The following ETFDH variants were observed in gnomAD, a reference collection of about 807,000 sequenced individuals.
ETFDH encodes electron transfer flavoprotein-ubiquinone oxidoreductase, mitochondrial.
ETFDH carries 61 observed loss-of-function variants against 73.2 expected under a neutral mutation model. The observed-to-expected ratio is 0.83, with a 90% CI of 0.68 to 1.03. ETFDH has a LOEUF of 1.03. Ranked by LOEUF, ETFDH falls within the 50% of genes least tolerant of loss-of-function variation. The probability of loss-of-function intolerance (pLI) is 0.00; values close to 1 mark genes in which losing one functional copy is unlikely to be tolerated. For synonymous variants in ETFDH, 243 were observed against 253.3 expected (o/e 0.96, Z 0.39); for missense variants, 685 against 745.0 (o/e 0.92, Z 0.94).
At chr4:158,691,987 C>T (rs773432520) in intron 6 of ETFDH, among the ~76,000 whole-genome samples, 11 of 152,200 alleles carry the variant, frequency 7.2e-5, no homozygotes, top group Admixed American at 2.0e-4. Context: ...TATTAGGTAT[C>T]AGTAAATATG....
intron 1 of ETFDH, among the ~76,000 whole-genome samples, chr4:158,678,995 A>G (rs571446029): frequency 5.7e-4 from 87 of 152,168 alleles, no homozygotes; most frequent in African/African-American, 2.0e-3. Flanking sequence ...AAAATCTTCG[A>G]TCAAATATAA....
intron 6 of ETFDH, among the ~76,000 whole-genome samples, chr4:158,690,689 A>G (rs72693394): frequency 6.6e-6 from 1 of 151,526 alleles, no homozygotes; most frequent in African/African-American, 2.4e-5. Context: ...TCTTAAAAAA[A>G]AAGAAGAAGA....
rs566844923 is a variant in ETFDH, at chr4:158,706,720, A to G, written c.1560A>G (p.Ser520=). The part of the protein sequence containing the change: ...PDGQISFDLL[S]SVALSGTNHE... ...GACAGATCAGTTTTGACCTCTTGTCATCTGTGGCTCTGAGTGGTACTAATC... is the reference window on the plus strand; with the variant it reads ...GACAGATCAGTTTTGACCTCTTGTCGTCTGTGGCTCTGAGTGGTACTAATC... Residue 520 remains serine (S), a synonymous_variant, in exon 12 of 13, where the codon TCA becomes TCG. Transcript: ENST00000511912. 6.2e-7 allele frequency: 1 copy of G among 1,614,034 alleles called. No individual in the cohort carries two copies. Among genetic ancestry groups the G allele is most frequent in the Non-Finnish European group, 8.5e-7 (1 of 1,179,920 alleles).
At position 158,703,589 on chromosome 4, in the gene ETFDH, T is replaced by C. The variant is rs774066578; in HGVS notation, c.1283T>C (p.Ile428Thr). 2.5e-6 allele frequency: 4 copies of C among 1,581,862 alleles called. No homozygotes were observed. Among genetic ancestry groups the C allele is most frequent in the East Asian group, 4.5e-5 (2 of 44,642 alleles). ...LTSENLQSKT[I>T]GLHVTEYEDN... ...AGTGAAAATCTCCAATCAAAGACAA[T>C]AGGTAAGAAATTCCTGTGTAAAGTA... Residue 428 changes from isoleucine to threonine, a missense_variant and splice_region_variant, in exon 10 of 13, where the codon ATA becomes ACA. By Grantham distance (89) the Ile-to-Thr change is moderately conservative. Coordinates refer to ENST00000511912, the MANE Select transcript of ETFDH (RefSeq NM_004453.4).
In ETFDH at chr4:158,675,516, C is replaced by T. The variant is rs541561395; in HGVS notation, c.34+3026C>T. Among the ~76,000 whole-genome samples the T allele has an allele frequency of 3.9e-5, 6 of 152,180 alleles. No individual in the cohort carries two copies. In the East Asian group the frequency reaches 1.2e-3, roughly 29 times the overall value. On this transcript the variant is annotated intron_variant, in intron 1 of 12. Transcript: ENST00000511912. The stretch of plus-strand genomic sequence containing the variant: ...GTGTGGTGGCTTACACCTGGAATCC[C>T]AGCGTTTTGGGAGGCTGAGACGGGC...
At chr4:158,696,939 T>A (rs1774322551) in intron 7 of ETFDH, among the ~76,000 whole-genome samples, 1 of 152,216 alleles carries the variant, frequency 6.6e-6, no homozygotes, top group Non-Finnish European at 1.5e-5. Context: ...CCTAATTTCC[T>A]ATAATTGTAT....
chr4:158,686,608 G>A (rs981113942), intron 5 of ETFDH, among the ~76,000 whole-genome samples: 1 of 152,196 alleles, frequency 6.6e-6, no homozygotes, highest in Non-Finnish European at 1.5e-5. Flanking sequence ...CAAGGGGAAA[G>A]GGAGAAGTAA....
intron 9 of ETFDH, among the ~76,000 whole-genome samples, chr4:158,701,310 A>G (rs1386244323): frequency 1.1e-4 from 17 of 152,188 alleles, no homozygotes; most frequent in Admixed American, 1.1e-3. Flanking sequence ...TGAGAAAAGC[A>G]TTGTCATCAT....
At chr4:158,698,586 A>G (rs955833221) in intron 8 of ETFDH, among the ~76,000 whole-genome samples, 1 of 152,182 alleles carries the variant, frequency 6.6e-6, no homozygotes, top group Non-Finnish European at 1.5e-5. Flanking sequence ...ATAATAAATC[A>G]TTACAGCTCC....
At chr4:158,707,829 T>C (rs1316100698) in intron 12 of ETFDH, among the ~76,000 whole-genome samples, 2 of 152,238 alleles carry the variant, frequency 1.3e-5, no homozygotes, top group Non-Finnish European at 1.5e-5. Context: ...CTAAGGTCTA[T>C]GGTAAGACTG....
intron 1 of ETFDH, among the ~76,000 whole-genome samples, chr4:158,677,078 AT>A (rs1328799521): frequency 1.3e-5 from 2 of 152,166 alleles, no homozygotes; most frequent in African/African-American, 4.8e-5. Context: ...GTTTAACTGT[AT>A]TTTTTGTCGT....
chr4:158,683,306 C>T (rs1318104348), intron 3 of ETFDH, among the ~76,000 whole-genome samples: 1 of 152,102 alleles, frequency 6.6e-6, no homozygotes, highest in Admixed American at 6.5e-5. Context: ...GTCCTACCTC[C>T]TAGATTAGAT....
intron 5 of ETFDH, among the ~76,000 whole-genome samples, chr4:158,687,884 C>T (rs986455237): frequency 6.7e-5 from 10 of 148,830 alleles, no homozygotes; most frequent in African/African-American, 2.0e-4. Context: ...ACTAAAAATA[C>T]GAAAAATTAG....
rs1184758675 is a variant in ETFDH at position 158,709,218 on chromosome 4, C to T, written c.*691C>T. 4 of 153,106 alleles carry T rather than the reference C, an allele frequency of 2.6e-5. No homozygotes were observed. The highest frequency in any genetic ancestry group is 4.8e-5 in the African/African-American group (2 of 41,410). The allele number at this position is 153,106 out of a possible 1,614,324, so 9.5% of individuals were successfully genotyped here. ...ACCATTATTTTTTATGAATAATGCA[C>T]ATAACCATTTTAAAAAACATTTTAC... On this transcript the variant is annotated 3_prime_UTR_variant, in exon 13 of 13. Transcript: ENST00000511912.
At chr4:158,694,782 T>A (rs1028389065) in intron 6 of ETFDH, among the ~76,000 whole-genome samples, 1 of 151,976 alleles carries the variant, frequency 6.6e-6, no homozygotes, top group African/African-American at 2.4e-5. Flanking sequence ...ATATCAATTT[T>A]AAAAAAATAG....
chr4:158,706,806 A>G lies in ETFDH; in HGVS notation c.1646A>G (p.Asn549Ser). 1.2e-6 allele frequency: 2 copies of G among 1,613,822 alleles called. No individual in the cohort carries two copies. The highest frequency in any genetic ancestry group is 1.7e-6 in the Non-Finnish European group (2 of 1,179,722). Residue 549 changes from asparagine to serine, a missense_variant, in exon 12 of 13, where the codon AAT (asparagine) becomes AGT (serine). Asn to Ser is a conservative substitution (Grantham distance 46, BLOSUM62 1). Coordinates refer to ENST00000511912, the MANE Select transcript of ETFDH (RefSeq NM_004453.4). ...LRDDSIPVNR[N>S]LSIYDGPEQR... ...GATGACAGTATACCTGTAAATAGAA[A>G]TCTGTCGATATATGATGGGCCCGAG...
chr4:158,685,237 T>G lies in ETFDH; in HGVS notation c.606+18T>G, dbSNP rs1024883815. 1.3e-5 allele frequency: 18 copies of G among 1,351,112 alleles called. No individual in the cohort carries two copies. The highest frequency in any genetic ancestry group is 1.9e-5 in the Non-Finnish European group (18 of 940,664). The allele number at this position is 1,351,112 out of a possible 1,614,324, so 83.7% of individuals were successfully genotyped here. ...CTGCTGAGGTTTGTATAGTTTTGTT[T>G]TGTTTTAATATTTATAGGAACTCTC... On this transcript the variant is annotated intron_variant, in intron 5 of 12. Transcript: ENST00000511912.
rs910620271 is a variant in ETFDH at position 158,697,314 on chromosome 4, C to T, written c.832-245C>T. 2.8e-4 allele frequency among the ~76,000 whole-genome samples: 42 copies of T among 152,036 alleles called. 1 individual carries two copies. The highest frequency in any genetic ancestry group is 1.7e-3 in the Admixed American group (26 of 15,258). ...TTTACCATGTTGGCCAGGATGGTCT[C>T]GAACTCCTGACCTCAAGTGATCTGC... On this transcript the variant is annotated intron_variant, in intron 7 of 12. Coordinates refer to ENST00000511912, the MANE Select transcript of ETFDH (RefSeq NM_004453.4).
At chr4:158,687,160 A>G (rs1413717429) in intron 5 of ETFDH, among the ~76,000 whole-genome samples, 2 of 152,218 alleles carry the variant, frequency 1.3e-5, no homozygotes, top group South Asian at 2.1e-4. Context: ...GACAGACTTC[A>G]GTCATTCTTC....
Sources: gnomAD v4.1 joint callset for allele counts (sites outside exome capture counted in the v4.1 genomes callset) on GRCh38, gnomAD v4.1.1 for gene constraint, MANE v1.5 for transcripts, NCBI Gene and HGNC (gene_info 2026-07-23, HGNC 2026-07-21) for gene names.